TAFA2: variants seen among roughly 807,000 people sequenced by gnomAD.
TAFA2 encodes chemokine-like protein TAFA-2.
TAFA2 carries 7 observed loss-of-function variants against 18.8 expected under a neutral mutation model. The observed-to-expected ratio is 0.37, with a 90% CI of 0.21 to 0.70. The LOEUF is 0.70. TAFA2 is among the 30% of genes least tolerant of loss of function. The probability of loss-of-function intolerance (pLI) is 0.53; values close to 1 mark genes in which losing one functional copy is unlikely to be tolerated. For synonymous variants in TAFA2, 60 were observed against 54.2 expected (o/e 1.11, Z -0.47); for missense variants, 122 against 158.1 (o/e 0.77, Z 1.23).
intron 2 of TAFA2, among the ~76,000 whole-genome samples, chr12:61,824,003 A>C (rs1872431317): frequency 6.6e-6 from 1 of 152,118 alleles, no homozygotes; most frequent in African/African-American, 2.4e-5. Flanking sequence ...GAAAACAGCA[A>C]AAGTGACAGG....
chr12:61,776,740 T>C lies in TAFA2; in HGVS notation c.107-21716A>G, dbSNP rs185411675. ...TTTCTATGTTCAATTTTAATAAACA[T>C]AAAGATATTTATATATTTCTGTTTT... is the stretch of plus-strand genomic sequence containing the variant. On this transcript the variant is annotated intron_variant, in intron 2 of 4. Coordinates refer to ENST00000416284, the MANE Select transcript of TAFA2 (RefSeq NM_178539.5). 3.5e-3 allele frequency among the ~76,000 whole-genome samples: 528 copies of C among 152,044 alleles called. 3 individuals are homozygous for C. Among genetic ancestry groups the C allele is most frequent in the African/African-American group, 0.012 (496 of 41,538 alleles).
intron 1 of TAFA2, among the ~76,000 whole-genome samples, chr12:62,238,256 CT>C (rs1256205044): frequency 6.6e-6 from 1 of 152,122 alleles, no homozygotes; most frequent in Non-Finnish European, 1.5e-5. Flanking sequence ...TTTCTCAGTG[CT>C]TTGTGGTCCT....
At chr12:61,724,454 T>C (rs981399317) in intron 4 of TAFA2, among the ~76,000 whole-genome samples, 2 of 151,334 alleles carry the variant, frequency 1.3e-5, no homozygotes, top group Non-Finnish European at 3.0e-5. Flanking sequence ...AGTGCTTTAG[T>C]TGTGATTTCT....
chr12:61,952,370 T>G (rs2121455460), intron 1 of TAFA2, among the ~76,000 whole-genome samples: 1 of 152,234 alleles, frequency 6.6e-6, no homozygotes, highest in South Asian at 2.1e-4. Flanking sequence ...ATACTGAAGG[T>G]TTATATCAAA....
At chr12:61,915,977 T>C (rs1249750215) in intron 1 of TAFA2, among the ~76,000 whole-genome samples, 2 of 152,196 alleles carry the variant, frequency 1.3e-5, no homozygotes, top group African/African-American at 2.4e-5. Context: ...CATCACACCA[T>C]GTAAATCAAG....
At chr12:62,243,083 G>C (rs901904092) in intron 1 of TAFA2, among the ~76,000 whole-genome samples, 4 of 152,074 alleles carry the variant, frequency 2.6e-5, no homozygotes, top group Admixed American at 6.5e-5. Flanking sequence ...CAGTTATTTA[G>C]ATTTTTTAAA....
intron 1 of TAFA2, among the ~76,000 whole-genome samples, chr12:62,123,913 A>G (rs1565752400): frequency 6.6e-6 from 1 of 152,140 alleles, no homozygotes; most frequent in Non-Finnish European, 1.5e-5. Context: ...AGTACAACAG[A>G]CAAGTCTGTA....
At chr12:62,179,124 T>A (rs2062534970) in intron 1 of TAFA2, among the ~76,000 whole-genome samples, 1 of 152,250 alleles carries the variant, frequency 6.6e-6, no homozygotes, top group South Asian at 2.1e-4. Flanking sequence ...GAATGTATTT[T>A]GTTGTTTCTT....
At chr12:61,715,302 G>A (rs1204121840) in intron 4 of TAFA2, among the ~76,000 whole-genome samples, 2 of 151,900 alleles carry the variant, frequency 1.3e-5, no homozygotes, top group South Asian at 2.1e-4. Flanking sequence ...CAGGTGTGGT[G>A]GTTCAGGCCT....
intron 4 of TAFA2, among the ~76,000 whole-genome samples, chr12:61,717,162 T>C (rs1869697635): frequency 6.6e-6 from 1 of 152,186 alleles, no homozygotes; most frequent in Non-Finnish European, 1.5e-5. Context: ...GCAGGTTTTC[T>C]CATTTAAGCT....
In TAFA2 at chr12:62,013,009, T is replaced by C. The variant is rs112412148; in HGVS notation, c.-1-145583A>G. 3.2e-3 allele frequency among the ~76,000 whole-genome samples: 494 copies of C among 152,258 alleles called. 1 individual carries two copies. Among genetic ancestry groups the C allele is most frequent in the African/African-American group, 0.011 (469 of 41,558 alleles). ...AAATTAATTTCTCGCCCAAGAGGAA[T>C]TCATAGTCCCATGTTTAAAGCACAA... On this transcript the variant is annotated intron_variant, in intron 1 of 4. Coordinates refer to ENST00000416284, the MANE Select transcript of TAFA2 (RefSeq NM_178539.5).
At chr12:61,848,011 A>G (rs924821356) in intron 2 of TAFA2, among the ~76,000 whole-genome samples, 2 of 152,202 alleles carry the variant, frequency 1.3e-5, no homozygotes, top group Non-Finnish European at 2.9e-5. Flanking sequence ...GTTTGTTTCA[A>G]ATCAGAAACA....
chr12:62,022,016 C>A, intron 1 of TAFA2: 2 of 646,220 alleles, frequency 3.1e-6, no homozygotes, highest in South Asian at 2.8e-5. Flanking sequence ...GCACAGACCC[C>A]TAGCGGCCAC....
chr12:61,770,514 A>G (rs974304221), intron 2 of TAFA2, among the ~76,000 whole-genome samples: 1 of 152,078 alleles, frequency 6.6e-6, no homozygotes, highest in African/African-American at 2.4e-5. Context: ...GTAAAGCAAA[A>G]CCAATCAGAT....
At chr12:61,980,565 C>T (rs1592528181) in intron 1 of TAFA2, among the ~76,000 whole-genome samples, 1 of 152,212 alleles carries the variant, frequency 6.6e-6, no homozygotes, top group Non-Finnish European at 1.5e-5. Flanking sequence ...AACCCATCGT[C>T]TCAGCCTAAA....
At chr12:62,064,820 T>C (rs1288758329) in intron 1 of TAFA2, among the ~76,000 whole-genome samples, 5 of 152,014 alleles carry the variant, frequency 3.3e-5, no homozygotes, top group Non-Finnish European at 7.4e-5. Context: ...CAAATGAGCA[T>C]GGTTTTCATA....
rs201964973 is a variant in TAFA2, at chr12:62,026,974, A to AT, written c.-1-159549dup. Among the ~76,000 whole-genome samples, 98 of 152,122 alleles carry AT rather than the reference A, an allele frequency of 6.4e-4. No individual in the cohort carries two copies. The East Asian group carries it at 8.9e-3, about 14-fold the overall frequency. On this transcript the variant is annotated intron_variant, in intron 1 of 4. Coordinates refer to ENST00000416284, the MANE Select transcript of TAFA2 (RefSeq NM_178539.5). Reference sequence around the variant, plus strand: ...TTAAAAATCAACAGCTCGAAGACGTATTTTTTCCCAGCGAATTCTCTTCTC... The same window carrying AT: ...TTAAAAATCAACAGCTCGAAGACGTATTTTTTTCCCAGCGAATTCTCTTCTC...
intron 2 of TAFA2, among the ~76,000 whole-genome samples, chr12:61,859,661 C>G (rs1874043646): frequency 6.6e-6 from 1 of 152,162 alleles, no homozygotes; most frequent in South Asian, 2.1e-4. Context: ...CCAGGCTGGT[C>G]TCAAACTCCT....
At chr12:61,753,850 G>C (rs1869136786) in intron 3 of TAFA2, 104 bp from the exon 4 acceptor site, 1 of 924,086 alleles carries the variant, frequency 1.1e-6, no homozygotes, top group Non-Finnish European at 1.6e-6. Flanking sequence ...CCTACCAGTG[G>C]GAATACAGGT....
Sources: allele counts gnomAD v4.1 joint callset (sites outside exome capture counted in the v4.1 genomes callset), GRCh38; gene constraint gnomAD v4.1.1; transcripts MANE v1.5; gene names NCBI Gene and HGNC (gene_info 2026-07-23, HGNC 2026-07-21).